The following NRG1 variants were observed in gnomAD, a reference collection of about 807,000 sequenced individuals.
NRG1 encodes the protein neuregulin 1.
NRG1 carries 18 observed loss-of-function variants against 63.8 expected under a neutral mutation model. That is an observed-to-expected ratio of 0.28 (90% CI 0.19 to 0.42). The LOEUF is 0.42. Among genes scored for constraint, NRG1 ranks in the 10% least tolerant of loss-of-function variants. The pLI is 1.00. For missense variants in NRG1, 762 were observed against 814.7 expected (o/e 0.94, Z 0.79); for synonymous variants, 302 against 301.3 (o/e 1.00, Z -0.02).
chr8:31,661,283 G>T (rs1805965721), intron 1 of NRG1, among the ~76,000 whole-genome samples: 1 of 152,172 alleles, frequency 6.6e-6, no homozygotes, highest in South Asian at 2.1e-4. Context: ...CCAGAGGTCT[G>T]ACCGCCTTTT....
At chr8:32,731,342 C>T (rs767838242) in intron 6 of NRG1, among the ~76,000 whole-genome samples, 17 of 151,934 alleles carry the variant, frequency 1.1e-4, no homozygotes, top group Non-Finnish European at 2.1e-4. Context: ...ATTAAAGCCC[C>T]AAGCCATCCT....
intron 1 of NRG1, among the ~76,000 whole-genome samples, chr8:32,283,262 A>G (rs1203731787): frequency 6.6e-6 from 1 of 151,616 alleles, no homozygotes; most frequent in Admixed American, 6.6e-5. Context: ...TTTCTTTTTC[A>G]TTTGCTCAGC....
chr8:32,383,570 C>T (rs1447181588), intron 1 of NRG1, among the ~76,000 whole-genome samples: 1 of 152,184 alleles, frequency 6.6e-6, no homozygotes, highest in African/African-American at 2.4e-5. Context: ...AATTTTTGCC[C>T]CTGAGCTCCC....
At chr8:32,615,876 A>G (rs991797776) in intron 4 of NRG1, among the ~76,000 whole-genome samples, 1 of 111,856 alleles carries the variant, frequency 8.9e-6, no homozygotes, top group East Asian at 2.1e-4. Flanking sequence ...AAAGAGAGAG[A>G]AAAAAAGAAA....
intron 1 of NRG1, among the ~76,000 whole-genome samples, chr8:32,007,884 A>C (rs1415064823): frequency 1.3e-5 from 2 of 151,862 alleles, no homozygotes; most frequent in African/African-American, 4.8e-5. Flanking sequence ...TAATGACTGT[A>C]CCCAGCCCTG....
intron 1 of NRG1, chr8:31,639,564 G>C: frequency 6.9e-7 from 1 of 1,440,186 alleles, no homozygotes; most frequent in Non-Finnish European, 9.2e-7. Context: ...CCCAGCAGCC[G>C]CCGCAGCATC....
chr8:32,324,092 C>CAAA (rs11315662), intron 1 of NRG1, among the ~76,000 whole-genome samples: 13,957 of 146,360 alleles, frequency 0.095, 890 homozygotes, highest in African/African-American at 0.18. Context: ...TCAAAGCCCT[C>CAAA]AAAAAAAAAA....
intron 1 of NRG1, chr8:31,639,735 C>T (rs1192150041): frequency 3.6e-5 from 50 of 1,374,854 alleles, no homozygotes; most frequent in Non-Finnish European, 4.4e-5. Context: ...GGTTTTTTTG[C>T]CTTTTCTATT....
At chr8:31,725,056 A>G (rs1425338860) in intron 1 of NRG1, among the ~76,000 whole-genome samples, 3 of 152,184 alleles carry the variant, frequency 2.0e-5, no homozygotes, top group Non-Finnish European at 4.4e-5. Flanking sequence ...ATCTTCACCT[A>G]TTGTGAAATG....
At chr8:32,225,628 C>T (rs1846242944) in intron 1 of NRG1, among the ~76,000 whole-genome samples, 1 of 152,088 alleles carries the variant, frequency 6.6e-6, no homozygotes, top group African/African-American at 2.4e-5. Flanking sequence ...TCACCCAATC[C>T]TTATATCAAT....
intron 5 of NRG1, among the ~76,000 whole-genome samples, chr8:32,687,944 T>A (rs757003748): frequency 6.6e-6 from 1 of 152,066 alleles, no homozygotes; most frequent in African/African-American, 2.4e-5. Flanking sequence ...TCCACCCCCA[T>A]GAGCTAGTCA....
chr8:32,366,081 C>G (rs1807937628), intron 1 of NRG1, among the ~76,000 whole-genome samples: 1 of 152,088 alleles, frequency 6.6e-6, no homozygotes, highest in Non-Finnish European at 1.5e-5. Context: ...GCAGGAATAT[C>G]TGAGTATTTC....
chr8:31,805,904 G>A (rs1822238200), intron 1 of NRG1, among the ~76,000 whole-genome samples: 1 of 149,896 alleles, frequency 6.7e-6, no homozygotes, highest in Non-Finnish European at 1.5e-5. Context: ...AACTATGCTA[G>A]TATTTCTGCA....
intron 1 of NRG1, among the ~76,000 whole-genome samples, chr8:32,557,594 T>C (rs550311234): frequency 6.6e-6 from 1 of 152,200 alleles, no homozygotes; most frequent in Non-Finnish European, 1.5e-5. Context: ...GGGAAAAATA[T>C]TGAAGGCTGG....
intron 1 of NRG1, among the ~76,000 whole-genome samples, chr8:32,462,143 C>T (rs1304885598): frequency 1.3e-5 from 2 of 152,144 alleles, no homozygotes; most frequent in East Asian, 3.8e-4. Context: ...ACCTGATAGT[C>T]TTCTGTATGT....
At chr8:31,764,776 A>C (rs1817889648) in intron 1 of NRG1, among the ~76,000 whole-genome samples, 1 of 151,932 alleles carries the variant, frequency 6.6e-6, no homozygotes, top group East Asian at 1.9e-4. Context: ...TTTAGGGTAC[A>C]TGTGCACATT....
intron 1 of NRG1, among the ~76,000 whole-genome samples, chr8:32,220,538 GC>G (rs1845700982): frequency 6.6e-6 from 1 of 152,230 alleles, no homozygotes; most frequent in Admixed American, 6.5e-5. Flanking sequence ...AAAATAAAAA[GC>G]CCCATTTCCA....
chr8:31,895,325 C>T (rs1429435746), intron 1 of NRG1, among the ~76,000 whole-genome samples: 1 of 152,246 alleles, frequency 6.6e-6, no homozygotes, highest in East Asian at 1.9e-4. Context: ...GCAATTACTC[C>T]TTCTGCTTTT....
At chr8:31,677,102 G>A (rs572447169) in intron 1 of NRG1, among the ~76,000 whole-genome samples, 1 of 152,220 alleles carries the variant, frequency 6.6e-6, no homozygotes, top group South Asian at 2.1e-4. Context: ...AATGAGACTA[G>A]TTTTCACACT....
Sources: allele counts gnomAD v4.1 joint callset (sites outside exome capture counted in the v4.1 genomes callset), GRCh38; gene constraint gnomAD v4.1.1; transcripts MANE v1.5; gene names NCBI Gene and HGNC (gene_info 2026-07-23, HGNC 2026-07-21).